Variants in ADGRA1 observed in about 807,000 individuals in gnomAD.
The protein encoded by ADGRA1 is G-protein coupled receptor 123.
Under a neutral mutation model 21.3 loss-of-function variants are expected in ADGRA1, and 12 were observed. The ratio of observed to expected loss-of-function variants is 0.56; its 90% CI spans 0.36 to 0.91. The LOEUF is 0.91. ADGRA1 is among the 40% of genes least tolerant of loss of function. ADGRA1 has a pLI of 0.01. For synonymous variants in ADGRA1, 385 were observed against 368.8 expected (o/e 1.04, Z -0.50); for missense variants, 790 against 805.6 (o/e 0.98, Z 0.23).
intron 4 of ADGRA1, among the ~76,000 whole-genome samples, chr10:133,101,961 G>T (rs1851803593): frequency 6.6e-6 from 1 of 152,232 alleles, no homozygotes; most frequent in South Asian, 2.1e-4. Context: ...TCATCATAAT[G>T]GTGCGACGTT....
chr10:133,102,681 C>G lies in ADGRA1; in HGVS notation c.256-16C>G, dbSNP rs538656795. 6 of 1,590,440 alleles carry G rather than the reference C, an allele frequency of 3.8e-6. No individual in the cohort carries two copies. In the South Asian group the frequency reaches 6.6e-5, roughly 18 times the overall value. On this transcript the variant is annotated splice_polypyrimidine_tract_variant and intron_variant, in intron 4 of 6. Coordinates refer to ENST00000392607, the MANE Select transcript of ADGRA1 (RefSeq NM_001083909.3). ...GGTGCCCGCCAAGGGCCTGGCTGAC[C>G]GCTGCTCCCCCACAGGTGGGCATCG...
At chr10:133,103,917 A>G (rs1851845789) in intron 5 of ADGRA1, among the ~76,000 whole-genome samples, 1 of 152,142 alleles carries the variant, frequency 6.6e-6, no homozygotes, top group Non-Finnish European at 1.5e-5. Context: ...GGGCTCCCTG[A>G]ATGCCTGCCC....
At chr10:133,113,244 G>C (rs1049519572) in intron 5 of ADGRA1, among the ~76,000 whole-genome samples, 1 of 150,198 alleles carries the variant, frequency 6.7e-6, no homozygotes, top group Non-Finnish European at 1.5e-5. Flanking sequence ...TTTGAGGTCT[G>C]TAAGCTGTGT....
At chr10:133,094,481 A>C (rs1184685361) in intron 2 of ADGRA1, among the ~76,000 whole-genome samples, 2 of 152,138 alleles carry the variant, frequency 1.3e-5, no homozygotes, top group Non-Finnish European at 2.9e-5. Context: ...CAGGAGTCTG[A>C]GTCCTGCAGG....
intron 1 of ADGRA1, chr10:133,088,395 G>A (rs1851539518): frequency 6.5e-6 from 1 of 154,502 alleles, no homozygotes; most frequent in South Asian, 2.0e-4. Flanking sequence ...CCGGTTCCCG[G>A]TGCAAACCCC....
In ADGRA1 at chr10:133,123,714, T is replaced by TC. The variant is rs3058111; in HGVS notation, c.402-3509dup. 3.3e-3 allele frequency among the ~76,000 whole-genome samples: 479 copies of TC among 144,546 alleles called. 1 individual carries two copies. Among genetic ancestry groups the TC allele is most frequent in the East Asian group, 6.2e-3 (29 of 4,690 alleles). 94.8% of individuals were successfully genotyped at this position (144,546 alleles called of 152,430 possible). Reference sequence around the variant, plus strand: ...CGAGTTGTGGGGAGGACTGCCTCCCTCCCCCCCCCCGGCACCTTCTGGGGC... The same window carrying TC: ...CGAGTTGTGGGGAGGACTGCCTCCCTCCCCCCCCCCCGGCACCTTCTGGGGC... On this transcript the variant is annotated intron_variant, in intron 5 of 6. Coordinates refer to ENST00000392607, the MANE Select transcript of ADGRA1 (RefSeq NM_001083909.3).
rs1401936465 is a variant in ADGRA1 at position 133,088,929 on chromosome 10, C to G, written c.3+17C>G. 1 of 1,241,836 alleles carries G rather than the reference C, an allele frequency of 8.1e-7. No individual in the cohort carries two copies. The highest frequency in any genetic ancestry group is 1.0e-6 in the Non-Finnish European group (1 of 990,884). 76.9% of individuals were successfully genotyped at this position (1,241,836 alleles called of 1,614,324 possible). A position where few individuals can be genotyped will look rare whatever the true frequency, so the allele number is the denominator to read the frequency against. Reference sequence around the variant, plus strand: ...GCGCTCATGGTGAGTACGGGGGTCCCGGGGGTCCTGCAGCTGGGGGCTAGG... The same window carrying G: ...GCGCTCATGGTGAGTACGGGGGTCCGGGGGGTCCTGCAGCTGGGGGCTAGG... On this transcript the variant is annotated intron_variant, in intron 2 of 6. Coordinates refer to ENST00000392607, the MANE Select transcript of ADGRA1 (RefSeq NM_001083909.3).
At chr10:133,105,217 TGC>T (rs1008982145) in intron 5 of ADGRA1, among the ~76,000 whole-genome samples, 3 of 152,218 alleles carry the variant, frequency 2.0e-5, no homozygotes, top group Admixed American at 6.5e-5. Flanking sequence ...GTTCCCATCC[TGC>T]CCTCTGAAAA....
chr10:133,088,581 C>A (rs962772044), intron 1 of ADGRA1, 127 bp from the exon 2 acceptor site: 1 of 483,410 alleles, frequency 2.1e-6, no homozygotes. Flanking sequence ...CCAGGCGCAG[C>A]CCCCAGGCCG....
At position 133,128,606 on chromosome 10, in the gene ADGRA1, G is replaced by C. The variant is rs374324374; in HGVS notation, c.778G>C (p.Ala260Pro). 1 of 1,600,898 alleles carries C rather than the reference G, an allele frequency of 6.2e-7. No individual in the cohort carries two copies. The highest frequency in any genetic ancestry group is 1.7e-5 in the Admixed American group (1 of 59,074). The change falls in exon 7 of 7, where the codon GCC becomes CCC. Residue 260 changes from alanine to proline, a missense_variant. Transcript: ENST00000392607. ...ATTCCAGGCACAGCTGCGCGCCGCC[G>C]CCTTCACGCTGTTCCTGTTCACGGC... ...HSFQAQLRAA[A>P]FTLFLFTATW...
chr10:133,099,489 C>T (rs181251958), intron 4 of ADGRA1, among the ~76,000 whole-genome samples: 119 of 152,264 alleles, frequency 7.8e-4, no homozygotes, highest in Admixed American at 6.1e-3. Flanking sequence ...TGGAGAGCAC[C>T]GAGCATTGAA....
At chr10:133,122,451 C>T (rs993998542) in intron 5 of ADGRA1, among the ~76,000 whole-genome samples, 8 of 152,246 alleles carry the variant, frequency 5.3e-5, no homozygotes, top group African/African-American at 1.7e-4. Context: ...GGCCGAGGGG[C>T]TAATGGGCGA....
intron 2 of ADGRA1, chr10:133,095,504 C>A: frequency 1.2e-6 from 1 of 854,332 alleles, no homozygotes; most frequent in Non-Finnish European, 1.7e-6. Flanking sequence ...CGCTCCTCTC[C>A]CAGGTGCCTT....
intron 5 of ADGRA1, among the ~76,000 whole-genome samples, chr10:133,103,250 A>C (rs997870312): frequency 6.6e-6 from 1 of 152,160 alleles, no homozygotes; most frequent in Non-Finnish European, 1.5e-5. Context: ...GAGACCCTCT[A>C]TGCCCCGCAG....
intron 2 of ADGRA1, among the ~76,000 whole-genome samples, chr10:133,092,839 G>GGGAGGGACGGAAGGAAGGAA (rs752816965): frequency 1.3e-5 from 1 of 75,612 alleles, no homozygotes; most frequent in African/African-American, 8.2e-5. Flanking sequence ...GAGGGAGGGA[G>GGGAGGGACGGAAGGAAGGAA]GGAAGGAAGG....
intron 3 of ADGRA1, 127 bp from the exon 4 acceptor site, chr10:133,098,513 A>T (rs962707512): frequency 8.7e-7 from 1 of 1,144,614 alleles, no homozygotes; most frequent in Non-Finnish European, 1.2e-6. Flanking sequence ...GTCCTCGGAC[A>T]GCTGCCCCTG....
chr10:133,101,021 G>A (rs1401996894), intron 4 of ADGRA1, among the ~76,000 whole-genome samples: 3 of 152,238 alleles, frequency 2.0e-5, no homozygotes, highest in African/African-American at 4.8e-5. Flanking sequence ...TCTGCGAGGC[G>A]AACAGAAGCC....
chr10:133,110,334 A>T (rs56795318), intron 5 of ADGRA1, among the ~76,000 whole-genome samples: 18,087 of 152,292 alleles, frequency 0.12, 1,283 homozygotes, highest in Non-Finnish European at 0.16. Flanking sequence ...ACAGCTACGG[A>T]GCCTCACACT....
rs1851991419 is a variant in ADGRA1 at position 133,111,203 on chromosome 10, ACAACCTGCCC to A, written c.401+8362_401+8371del. On this transcript the variant is annotated intron_variant, in intron 5 of 6. Transcript: ENST00000392607. ...AGCACCTCCCTCCTAATCCCTCCAG[ACAACCTGCCC>A]ACCACAGGCACCTCCCTCCTAATCC... is the stretch of plus-strand genomic sequence containing the variant. Among the ~76,000 whole-genome samples, 3 of 138,262 alleles carry A rather than the reference ACAACCTGCCC, an allele frequency of 2.2e-5. 1 individual carries two copies. The highest frequency in any genetic ancestry group is 8.9e-5 in the African/African-American group (3 of 33,830). 90.7% of individuals were successfully genotyped at this position (138,262 alleles called of 152,430 possible).
Sources: gnomAD v4.1 joint callset for allele counts (sites outside exome capture counted in the v4.1 genomes callset) on GRCh38, gnomAD v4.1.1 for gene constraint, MANE v1.5 for transcripts, NCBI Gene and HGNC (gene_info 2026-07-23, HGNC 2026-07-21) for gene names.